Variants in EYS observed in about 807,000 individuals in gnomAD.
EYS encodes protein eyes shut homolog.
A neutral mutation model predicts 282.1 loss-of-function variants in EYS; 250 were observed. The observed-to-expected ratio is 0.89, with a 90% CI of 0.80 to 0.98. EYS has a LOEUF of 0.98. Among genes scored for constraint, EYS ranks in the 50% least tolerant of loss-of-function variants. The probability of loss-of-function intolerance (pLI) is 0.00; values close to 1 mark genes in which losing one functional copy is unlikely to be tolerated. For missense variants in EYS, 4,016 were observed against 3,709.0 expected, an observed-to-expected ratio of 1.08 and a Z score of -2.15; for synonymous variants, 1,355 against 1,282.9, an observed-to-expected ratio of 1.06 and a Z score of -1.20.
intron 28 of EYS, among the ~76,000 whole-genome samples, chr6:64,435,280 A>G (rs1774704720): frequency 6.6e-6 from 1 of 152,054 alleles, no homozygotes; most frequent in Non-Finnish European, 1.5e-5. Context: ...GCTTTCCTCA[A>G]TTTATTTGAT....
chr6:63,973,763 A>G (rs1466792893), intron 35 of EYS, among the ~76,000 whole-genome samples: 1 of 152,168 alleles, frequency 6.6e-6, no homozygotes, highest in Admixed American at 6.5e-5. Flanking sequence ...TTTTACTGTC[A>G]GTAACCAATA....
At chr6:63,929,378 C>G (rs114535600) in intron 35 of EYS, among the ~76,000 whole-genome samples, 1 of 152,192 alleles carries the variant, frequency 6.6e-6, no homozygotes, top group Non-Finnish European at 1.5e-5. Flanking sequence ...GTTATATCCA[C>G]AGGAGAAGAA....
intron 2 of EYS, among the ~76,000 whole-genome samples, chr6:65,528,052 A>T (rs1162784441): frequency 6.6e-6 from 1 of 152,182 alleles, no homozygotes; most frequent in Non-Finnish European, 1.5e-5. Flanking sequence ...CGAGCACTAT[A>T]CTTTCAGTGT....
In EYS at chr6:65,205,934, G is replaced by C. The variant is rs181464215; in HGVS notation, c.2023+89929C>G. Among the ~76,000 whole-genome samples the C allele has an allele frequency of 2.0e-5, 3 of 151,866 alleles. No individual in the cohort carries two copies. In the East Asian group the frequency reaches 5.8e-4, roughly 29 times the overall value. On this transcript the variant is annotated intron_variant, in intron 12 of 42. Coordinates refer to ENST00000503581, the MANE Select transcript of EYS (RefSeq NM_001142800.2). ...TTGTGTTAAGTCCCTACATCAAAAA[G>C]AGAAGAATCTCAATTTAAAATCCTA...
intron 19 of EYS, among the ~76,000 whole-genome samples, chr6:64,877,709 G>T (rs1766791709): frequency 6.6e-6 from 1 of 152,160 alleles, no homozygotes; most frequent in South Asian, 2.1e-4. Context: ...TTGGAAGTGG[G>T]ATTGAAAGAG....
chr6:64,545,521 G>A (rs1350184535), intron 26 of EYS, among the ~76,000 whole-genome samples: 3 of 152,046 alleles, frequency 2.0e-5, no homozygotes, highest in Non-Finnish European at 2.9e-5. Flanking sequence ...TTCTGGCCAG[G>A]GCAATCAGAC....
intron 29 of EYS, among the ~76,000 whole-genome samples, chr6:64,381,471 C>T (rs958018165): frequency 6.6e-5 from 10 of 152,050 alleles, no homozygotes; most frequent in Admixed American, 1.3e-4. Context: ...TTATGACTTT[C>T]TTTTTTTCTC....
intron 31 of EYS, among the ~76,000 whole-genome samples, chr6:64,171,614 T>C (rs1329698292): frequency 7.5e-6 from 1 of 133,542 alleles, no homozygotes; most frequent in Non-Finnish European, 1.6e-5. Context: ...TATTGATTAA[T>C]GATTATTGAT....
chr6:65,120,686 A>G (rs9453192), intron 12 of EYS, among the ~76,000 whole-genome samples: 1 of 152,060 alleles, frequency 6.6e-6, no homozygotes, highest in African/African-American at 2.4e-5. Flanking sequence ...GCACAAGCCA[A>G]TATCATCCTC....
intron 15 of EYS, among the ~76,000 whole-genome samples, chr6:64,933,341 C>G (rs1034025734): frequency 6.6e-6 from 1 of 151,992 alleles, no homozygotes; most frequent in Admixed American, 6.6e-5. Flanking sequence ...ACAGATACTT[C>G]TCAAAAGGAG....
intron 2 of EYS, among the ~76,000 whole-genome samples, chr6:65,634,329 T>C (rs1230949442): frequency 1.2e-4 from 18 of 152,196 alleles, no homozygotes; most frequent in Admixed American, 1.2e-3. Context: ...TGTTACTTGA[T>C]TATAATTTAA....
chr6:63,948,250 G>A (rs1245756900), intron 35 of EYS, among the ~76,000 whole-genome samples: 1 of 152,186 alleles, frequency 6.6e-6, no homozygotes, highest in Non-Finnish European at 1.5e-5. Context: ...AGCTGCCATT[G>A]TGTGAAGATG....
intron 29 of EYS, among the ~76,000 whole-genome samples, chr6:64,315,737 T>G (rs987285893): frequency 9.2e-5 from 14 of 151,472 alleles, no homozygotes; most frequent in African/African-American, 2.7e-4. Flanking sequence ...ATCATCCTGA[T>G]ACGAAAACCT....
intron 5 of EYS, among the ~76,000 whole-genome samples, chr6:65,432,965 A>G (rs1303596849): frequency 6.6e-6 from 1 of 152,138 alleles, no homozygotes; most frequent in African/African-American, 2.4e-5. Flanking sequence ...AACTGGGAAG[A>G]TAGACTGGTA....
At chr6:64,315,460 A>C (rs1769918653) in intron 29 of EYS, among the ~76,000 whole-genome samples, 1 of 151,900 alleles carries the variant, frequency 6.6e-6, no homozygotes, top group Non-Finnish European at 1.5e-5. Context: ...AGAGACACAT[A>C]CACAAAAAGA....
At chr6:64,270,702 T>C (rs538887261) in intron 30 of EYS, among the ~76,000 whole-genome samples, 12 of 152,290 alleles carry the variant, frequency 7.9e-5, no homozygotes, top group African/African-American at 2.6e-4. Context: ...TAAAGCATAA[T>C]AATAAAACAA....
intron 2 of EYS, among the ~76,000 whole-genome samples, chr6:65,538,451 G>A (rs956943874): frequency 6.6e-6 from 1 of 152,102 alleles, no homozygotes. Context: ...CTTTGTACCA[G>A]ATCCTGTTGT....
chr6:64,008,202 G>A (rs914076711), intron 33 of EYS, among the ~76,000 whole-genome samples: 8 of 151,872 alleles, frequency 5.3e-5, no homozygotes, highest in East Asian at 3.9e-4. Context: ...TCTTTTTTTC[G>A]AATTGAACCC....
intron 22 of EYS, among the ~76,000 whole-genome samples, chr6:64,806,663 A>G (rs1380694973): frequency 6.6e-6 from 1 of 152,086 alleles, no homozygotes; most frequent in East Asian, 1.9e-4. Context: ...GGGCAAGAAT[A>G]TGAAACACTT....
Sources: allele counts gnomAD v4.1 joint callset (sites outside exome capture counted in the v4.1 genomes callset), GRCh38; gene constraint gnomAD v4.1.1; transcripts MANE v1.5; gene names NCBI Gene and HGNC (gene_info 2026-07-23, HGNC 2026-07-21).